The following PPIP5K1 variants were observed in gnomAD, a reference collection of about 807,000 sequenced individuals.
The protein encoded by PPIP5K1 is diphosphoinositol pentakisphosphate kinase 1.
A neutral mutation model predicts 27.7 loss-of-function variants in PPIP5K1; 6 were observed. That is an observed-to-expected ratio of 0.22 (90% CI 0.12 to 0.43). The LOEUF (loss-of-function observed/expected upper bound fraction) is 0.43, where lower values mean the gene tolerates loss of function less well. Among genes scored for constraint, PPIP5K1 ranks in the 20% least tolerant of loss-of-function variants. The pLI is 1.00. For missense variants in PPIP5K1, 394 were observed against 635.4 expected (o/e 0.62, Z 4.08); for synonymous variants, 145 against 242.6 (o/e 0.60, Z 3.74).
At chr15:43,575,883 T>TG (rs1240488636) in intron 18 of PPIP5K1, among the ~76,000 whole-genome samples, 1 of 35,830 alleles carries the variant, frequency 2.8e-5, no homozygotes, top group Non-Finnish European at 4.2e-5. Context: ...TACTACGTTT[T>TG]GGGGTAGTTT....
intron 30 of PPIP5K1, among the ~76,000 whole-genome samples, chr15:43,557,216 G>T (rs28491813): frequency 2.6e-5 from 4 of 152,124 alleles, no homozygotes; most frequent in Non-Finnish European, 2.9e-5. Flanking sequence ...GAACCCAAGG[G>T]GGGGTGGATC....
chr15:43,548,780 A>G (rs2081724697), intron 30 of PPIP5K1: 1 of 151,264 alleles, frequency 6.6e-6, no homozygotes, highest in South Asian at 2.1e-4. Context: ...TAATCCCAAC[A>G]CTTTGGGATG....
intron 30 of PPIP5K1, among the ~76,000 whole-genome samples, chr15:43,546,275 A>G (rs1484184589): frequency 6.6e-6 from 1 of 152,108 alleles, no homozygotes; most frequent in Non-Finnish European, 1.5e-5. Context: ...CATTTTATCT[A>G]TTCATTGACA....
intron 10 of PPIP5K1, among the ~76,000 whole-genome samples, chr15:43,579,344 G>C (rs1484661663): frequency 1.1e-5 from 1 of 90,340 alleles, no homozygotes; most frequent in African/African-American, 9.9e-5. Context: ...ATGGGGAGGG[G>C]ATGTTACTAG....
Position 43,534,479 on chromosome 15 carries a change from G to A in PPIP5K1, c.*195C>T, listed in dbSNP as rs942288962. The A allele has an allele frequency of 4.1e-5, 20 of 490,932 alleles. No homozygotes were observed. Among genetic ancestry groups the A allele is most frequent in the African/African-American group, 2.1e-4 (11 of 51,188 alleles). 30.4% of individuals were successfully genotyped at this position (490,932 alleles called of 1,614,324 possible). ...GCCAGTGAGTTAGCCAACAGAAAAGGTTGCTGGCTCAAATGGCTGGTATAG... is the reference window on the plus strand; with the variant it reads ...GCCAGTGAGTTAGCCAACAGAAAAGATTGCTGGCTCAAATGGCTGGTATAG... On this transcript the variant is annotated 3_prime_UTR_variant, in exon 32 of 32. Coordinates refer to ENST00000420765, the MANE Select transcript of PPIP5K1 (RefSeq NM_001394395.1).
rs2079576026 is a variant in PPIP5K1 at position 43,534,568 on chromosome 15, G to A, written c.*106C>T. ...GGTGGAAGGGGTGAGTGCTGGTCAT[G>A]GGCTAGAGACTGGCTCTGAGGGTTT... On this transcript the variant is annotated 3_prime_UTR_variant, in exon 32 of 32. Transcript: ENST00000420765. 33 of 1,006,576 alleles carry A rather than the reference G, an allele frequency of 3.3e-5. No individual in the cohort carries two copies. Among genetic ancestry groups the A allele is most frequent in the Non-Finnish European group, 4.8e-5 (33 of 692,844 alleles). 62.4% of individuals were successfully genotyped at this position (1,006,576 alleles called of 1,614,324 possible).
chr15:43,548,497 G>A (rs2081670112), intron 30 of PPIP5K1: 1 of 150,342 alleles, frequency 6.7e-6, no homozygotes, highest in Admixed American at 6.6e-5. Flanking sequence ...CAATCTGCCT[G>A]CCTTGGCCTC....
At chr15:43,556,309 A>T (rs571712586) in intron 30 of PPIP5K1, among the ~76,000 whole-genome samples, 2 of 151,630 alleles carry the variant, frequency 1.3e-5, no homozygotes, top group South Asian at 4.2e-4. Context: ...ACAGAGTGAG[A>T]CTCCATCTCA....
intron 31 of PPIP5K1, chr15:43,536,115 T>C (rs902274813): frequency 9.3e-6 from 12 of 1,286,382 alleles, no homozygotes; most frequent in African/African-American, 3.0e-5. Context: ...ATCAGAACAA[T>C]AGGAAAGAAA....
intron 31 of PPIP5K1, chr15:43,537,443 C>A: frequency 3.7e-6 from 1 of 269,520 alleles, no homozygotes; most frequent in Admixed American, 4.3e-5. Flanking sequence ...AATCCCAACA[C>A]TTTGGGAGGC....
chr15:43,537,785 T>C (rs1192090614), intron 31 of PPIP5K1, among the ~76,000 whole-genome samples: 1 of 149,562 alleles, frequency 6.7e-6, no homozygotes, highest in African/African-American at 2.5e-5. Context: ...CTATTTCTGA[T>C]GCAGACATAC....
chr15:43,541,485 G>A (rs2080700104), intron 30 of PPIP5K1, among the ~76,000 whole-genome samples: 2 of 152,118 alleles, frequency 1.3e-5, no homozygotes, highest in Non-Finnish European at 2.9e-5. Flanking sequence ...GGGAGGCCGA[G>A]GCGGGTAGAT....
rs1366183413 is a variant in PPIP5K1, at chr15:43,539,349, G to A, written c.3670+121C>T. 5 of 742,362 alleles carry A rather than the reference G, an allele frequency of 6.7e-6. No individual in the cohort carries two copies. In the Admixed American group the frequency reaches 1.1e-4, roughly 16 times the overall value. 46.0% of individuals were successfully genotyped at this position (742,362 alleles called of 1,614,324 possible). ...AAATGGCAGATGAGACTGCTTCCCA[G>A]AATGGATATTCCTGGTCTTTCAAGC... is the stretch of plus-strand genomic sequence containing the variant. On this transcript the variant is annotated intron_variant, in intron 31 of 31. Coordinates refer to ENST00000420765, the MANE Select transcript of PPIP5K1 (RefSeq NM_001394395.1).
chr15:43,540,540 T>C (rs1377896488), intron 30 of PPIP5K1, among the ~76,000 whole-genome samples: 2 of 151,336 alleles, frequency 1.3e-5, no homozygotes, highest in East Asian at 3.9e-4. Context: ...CTACTAAAAA[T>C]ACAAAAATTA....
At chr15:43,552,476 C>G (rs562313095) in intron 30 of PPIP5K1, among the ~76,000 whole-genome samples, 69 of 148,534 alleles carry the variant, frequency 4.6e-4, no homozygotes, top group South Asian at 4.4e-3. Flanking sequence ...GAGACCGAAG[C>G]CAGCAGATCT....
intron 31 of PPIP5K1, chr15:43,536,118 G>A: frequency 7.8e-7 from 1 of 1,286,364 alleles, no homozygotes; most frequent in Non-Finnish European, 1.0e-6. Context: ...AGAACAATAG[G>A]AAAGAAAATG....
intron 30 of PPIP5K1, among the ~76,000 whole-genome samples, chr15:43,555,762 T>C (rs927927578): frequency 6.6e-6 from 1 of 152,036 alleles, no homozygotes; most frequent in Non-Finnish European, 1.5e-5. Flanking sequence ...CATGCCACCA[T>C]GCCCGGCTAA....
At chr15:43,553,413 C>T (rs1257122764) in intron 30 of PPIP5K1, among the ~76,000 whole-genome samples, 1 of 151,882 alleles carries the variant, frequency 6.6e-6, no homozygotes, top group African/African-American at 2.4e-5. Flanking sequence ...AATCACAACA[C>T]ACTACAACAG....
At chr15:43,537,195 C>G (rs1235138845) in intron 31 of PPIP5K1, among the ~76,000 whole-genome samples, 2 of 150,918 alleles carry the variant, frequency 1.3e-5, no homozygotes, top group East Asian at 1.9e-4. Flanking sequence ...AAAAATTAGC[C>G]AGGCATGGTG....
Sources: allele counts gnomAD v4.1 joint callset (sites outside exome capture counted in the v4.1 genomes callset), GRCh38; gene constraint gnomAD v4.1.1; transcripts MANE v1.5; gene names NCBI Gene and HGNC (gene_info 2026-07-23, HGNC 2026-07-21).